The following CEP112 variants were observed in gnomAD, a reference collection of about 807,000 sequenced individuals.
The protein encoded by CEP112 is centrosomal protein of 112 kDa.
Under a neutral mutation model 153.0 loss-of-function variants are expected in CEP112, and 127 were observed. That is an observed-to-expected ratio of 0.83 (90% CI 0.72 to 0.96). The LOEUF is 0.96. CEP112 is among the 40% of genes least tolerant of loss of function. The pLI is 0.00. For missense variants in CEP112, 1,089 were observed against 1,101.2 expected (o/e 0.99, Z 0.16); for synonymous variants, 358 against 374.4 (o/e 0.96, Z 0.51).
chr17:65,728,718 A>C (rs985024688), intron 23 of CEP112, among the ~76,000 whole-genome samples: 1 of 152,228 alleles, frequency 6.6e-6, no homozygotes. Context: ...GAAAAGGTAC[A>C]GTAAAAATAC....
At chr17:66,056,202 T>C (rs1004397145) in intron 11 of CEP112, among the ~76,000 whole-genome samples, 2 of 152,172 alleles carry the variant, frequency 1.3e-5, no homozygotes, top group African/African-American at 4.8e-5. Context: ...ATCCTACATA[T>C]TCGTCTTTAA....
chr17:65,873,236 T>G (rs1332967352), intron 20 of CEP112: 1 of 152,208 alleles, frequency 6.6e-6, no homozygotes, highest in Admixed American at 6.5e-5. Context: ...TGACTAAACC[T>G]TTTTGTTACC....
intron 24 of CEP112, among the ~76,000 whole-genome samples, chr17:65,667,396 G>A (rs971077886): frequency 2.2e-4 from 33 of 152,280 alleles, no homozygotes; most frequent in African/African-American, 6.7e-4. Context: ...CAGGGCAATG[G>A]AGGGGGGAGT....
intron 6 of CEP112, among the ~76,000 whole-genome samples, chr17:66,108,740 T>C (rs1305299370): frequency 6.6e-6 from 1 of 152,148 alleles, no homozygotes; most frequent in Non-Finnish European, 1.5e-5. Context: ...AATTAACATA[T>C]GATCCAGCAA....
chr17:65,650,376 G>A (rs2045682110), intron 24 of CEP112, among the ~76,000 whole-genome samples: 2 of 152,150 alleles, frequency 1.3e-5, no homozygotes, highest in African/African-American at 2.4e-5. Context: ...AGCTTCATTA[G>A]CAAAAACGGG....
intron 17 of CEP112, among the ~76,000 whole-genome samples, chr17:65,963,605 G>A (rs1042274272): frequency 2.1e-3 from 92 of 43,090 alleles, no homozygotes; most frequent in African/African-American, 6.1e-3. Context: ...AGACTCTCTT[G>A]TCCCTTTACA....
chr17:65,856,732 A>T (rs916818334), intron 20 of CEP112, among the ~76,000 whole-genome samples: 2 of 152,216 alleles, frequency 1.3e-5, no homozygotes, highest in Non-Finnish European at 1.5e-5. Flanking sequence ...GAAAATCTTT[A>T]AAAAATGAGC....
chr17:65,865,687 A>G (rs2058459585), intron 20 of CEP112, among the ~76,000 whole-genome samples: 1 of 152,174 alleles, frequency 6.6e-6, no homozygotes, highest in Admixed American at 6.5e-5. Flanking sequence ...TTGCTTGGGC[A>G]GGGTTGGCTG....
intron 20 of CEP112, 93 bp downstream of exon 20, chr17:65,902,059 C>A: frequency 3.5e-5 from 17 of 484,688 alleles, no homozygotes; most frequent in Middle Eastern, 6.1e-4. Context: ...AATGATCAAA[C>A]AGCGTGCATC....
chr17:65,744,676 G>A (rs947592409), intron 22 of CEP112, among the ~76,000 whole-genome samples: 2 of 152,300 alleles, frequency 1.3e-5, no homozygotes, highest in African/African-American at 4.8e-5. Flanking sequence ...CACTCCTGTA[G>A]TATTCCCTGC....
At chr17:65,710,258 A>C (rs2049107235) in intron 23 of CEP112, among the ~76,000 whole-genome samples, 1 of 152,224 alleles carries the variant, frequency 6.6e-6, no homozygotes, top group Non-Finnish European at 1.5e-5. Context: ...TCTTGTCTTT[A>C]GCTGCTATGA....
chr17:66,025,529 G>A (rs939556703), intron 16 of CEP112, among the ~76,000 whole-genome samples: 3 of 151,912 alleles, frequency 2.0e-5, no homozygotes, highest in Non-Finnish European at 4.4e-5. Flanking sequence ...ACACACAAAA[G>A]GCCAACAGAC....
Position 65,689,136 on chromosome 17 carries a change from T to C in CEP112, c.2690A>G (p.Gln897Arg), listed in dbSNP as rs1188389209. ...KKLQHKELES[Q>R]EQITYIRQEY... Reference sequence around the variant, plus strand: ...TAGTAAAGGAGAGGGTACCTGTTCCTGTGACTCCAATTCTTTGTGTTGTAA... The same window carrying C: ...TAGTAAAGGAGAGGGTACCTGTTCCCGTGACTCCAATTCTTTGTGTTGTAA... Residue 897 changes from glutamine (Q) to arginine (R), a missense_variant, in exon 24 of 27, where the codon CAG becomes CGG. Gln to Arg is a conservative substitution (Grantham distance 43). Transcript: ENST00000535342. The C allele has an allele frequency of 4.4e-6, 7 of 1,608,146 alleles. No individual in the cohort carries two copies. Among genetic ancestry groups the C allele is most frequent in the Non-Finnish European group, 6.0e-6 (7 of 1,174,584 alleles).
At position 65,819,590 on chromosome 17, in the gene CEP112, T is replaced by C. The variant is rs368170158; in HGVS notation, c.2394+32214A>G. Among the ~76,000 whole-genome samples, 28 of 152,152 alleles carry C rather than the reference T, an allele frequency of 1.8e-4. No homozygotes were observed. In the East Asian group the frequency reaches 3.3e-3, roughly 18 times the overall value. Reference sequence around the variant, plus strand: ...ACAGAAACCTGGCAGATACCATCTTTAAAAAGTGATCAATGTTTGCATCAC... The same window carrying C: ...ACAGAAACCTGGCAGATACCATCTTCAAAAAGTGATCAATGTTTGCATCAC... On this transcript the variant is annotated intron_variant, in intron 21 of 26. Transcript: ENST00000535342.
intron 17 of CEP112, among the ~76,000 whole-genome samples, chr17:65,981,365 A>T (rs1450871462): frequency 6.6e-6 from 1 of 152,212 alleles, no homozygotes; most frequent in African/African-American, 2.4e-5. Flanking sequence ...CTCTATGAAG[A>T]AACCAGCATA....
intron 21 of CEP112, among the ~76,000 whole-genome samples, chr17:65,759,334 C>T (rs962227751): frequency 1.3e-5 from 2 of 152,176 alleles, no homozygotes; most frequent in East Asian, 1.9e-4. Context: ...TTTTACTTTG[C>T]GGACTCAACC....
chr17:65,878,632 G>C (rs1341789461), intron 20 of CEP112, among the ~76,000 whole-genome samples: 1 of 152,062 alleles, frequency 6.6e-6, no homozygotes, highest in Non-Finnish European at 1.5e-5. Context: ...CGGAACTAGT[G>C]GGGAGGCTTC....
intron 12 of CEP112, among the ~76,000 whole-genome samples, chr17:66,033,445 T>C (rs2065579398): frequency 6.6e-6 from 1 of 152,198 alleles, no homozygotes. Flanking sequence ...AAGAAGAGAC[T>C]ATCATGGCCT....
chr17:66,080,014 T>C (rs1201819211), intron 8 of CEP112, among the ~76,000 whole-genome samples: 2 of 152,112 alleles, frequency 1.3e-5, no homozygotes, highest in Non-Finnish European at 2.9e-5. Context: ...TAACTCAAGA[T>C]GGATTAAAGA....
Sources: allele counts gnomAD v4.1 joint callset (sites outside exome capture counted in the v4.1 genomes callset), GRCh38; gene constraint gnomAD v4.1.1; transcripts MANE v1.5; gene names NCBI Gene and HGNC (gene_info 2026-07-23, HGNC 2026-07-21).